Variants in RALYL observed in about 807,000 individuals in gnomAD.
The protein encoded by RALYL is RALY RNA binding protein like, also known as RNA-binding Raly-like protein.
In RALYL, 29 loss-of-function variants were observed where a neutral mutation model predicts 35.1. The ratio of observed to expected loss-of-function variants is 0.83; its 90% confidence interval spans 0.61 to 1.13. The LOEUF (loss-of-function observed/expected upper bound fraction) is 1.13. RALYL is among the 50% of genes most tolerant of loss of function. RALYL has a pLI of 0.00. For missense variants in RALYL, 359 were observed against 360.4 expected, an observed-to-expected ratio of 1.00 and a Z score of 0.03; for synonymous variants, 120 against 127.6, an observed-to-expected ratio of 0.94 and a Z score of 0.40.
chr8:84,507,794 A>G (rs2134347828), intron 1 of RALYL, among the ~76,000 whole-genome samples: 1 of 152,292 alleles, frequency 6.6e-6, no homozygotes, highest in South Asian at 2.1e-4. Flanking sequence ...ATTTGAGTTT[A>G]CATTTCATAC....
chr8:84,751,518 A>G (rs1563518170), intron 2 of RALYL, among the ~76,000 whole-genome samples: 1 of 151,814 alleles, frequency 6.6e-6, no homozygotes, highest in African/African-American at 2.4e-5. Context: ...TGGTTTATGC[A>G]TTTTTTTGTC....
At chr8:84,374,309 C>G (rs1351199972) in intron 1 of RALYL, among the ~76,000 whole-genome samples, 1 of 151,912 alleles carries the variant, frequency 6.6e-6, no homozygotes, top group African/African-American at 2.4e-5. Flanking sequence ...ATGCTTCCAG[C>G]TTTTCCCCAT....
intron 1 of RALYL, among the ~76,000 whole-genome samples, chr8:84,387,650 C>A (rs1779644293): frequency 2.0e-5 from 3 of 151,680 alleles, no homozygotes; most frequent in African/African-American, 4.8e-5. Flanking sequence ...ACCACTCTCT[C>A]CCCTACACCA....
chr8:84,660,467 T>C (rs1436390422), intron 2 of RALYL, among the ~76,000 whole-genome samples: 1 of 152,018 alleles, frequency 6.6e-6, no homozygotes, highest in Non-Finnish European at 1.5e-5. Flanking sequence ...TTAAATTTAA[T>C]AATTCATTTA....
intron 1 of RALYL, among the ~76,000 whole-genome samples, chr8:84,512,320 T>C (rs2057690966): frequency 6.6e-6 from 1 of 151,974 alleles, no homozygotes; most frequent in African/African-American, 2.4e-5. Context: ...TGAATGTTTT[T>C]CATATACCTA....
At chr8:84,206,966 T>C (rs1297906131) in intron 1 of RALYL, among the ~76,000 whole-genome samples, 2 of 152,080 alleles carry the variant, frequency 1.3e-5, no homozygotes, top group Admixed American at 1.3e-4. Flanking sequence ...AAAACCACAA[T>C]GAGATATCAC....
rs1310371014 is a variant in RALYL at position 84,256,106 on chromosome 8, A to AT, written c.-24+71684dup. On this transcript the variant is annotated intron_variant, in intron 1 of 8. Coordinates refer to ENST00000521268, the MANE Select transcript of RALYL (RefSeq NM_173848.7). ...TGTCTGATTGCTGGTGAAGGGTATA[A>AT]TTATCTCTGAGGTTGGGAAGGGTTA... Among the ~76,000 whole-genome samples, 8 of 152,206 alleles carry AT rather than the reference A, an allele frequency of 5.3e-5. No homozygotes were observed. In the South Asian group the frequency reaches 1.7e-3, roughly 32 times the overall value.
At chr8:84,346,964 C>T (rs1351389132) in intron 1 of RALYL, among the ~76,000 whole-genome samples, 2 of 152,044 alleles carry the variant, frequency 1.3e-5, no homozygotes, top group African/African-American at 4.8e-5. Context: ...CTTTGGAAGG[C>T]TGAGGCAGGT....
At chr8:84,649,421 G>A (rs112216001) in intron 2 of RALYL, among the ~76,000 whole-genome samples, 11,466 of 151,206 alleles carry the variant, frequency 0.076, 1,078 homozygotes, top group African/African-American at 0.22. Flanking sequence ...TAGGTCTAAC[G>A]TTTAAGTCTT....
At chr8:84,272,713 C>G (rs1376349010) in intron 1 of RALYL, among the ~76,000 whole-genome samples, 1 of 152,090 alleles carries the variant, frequency 6.6e-6, no homozygotes, top group Non-Finnish European at 1.5e-5. Flanking sequence ...ATAGCAATGG[C>G]AAAGTCAAGA....
At chr8:84,410,759 T>C (rs2044017806) in intron 1 of RALYL, among the ~76,000 whole-genome samples, 1 of 151,748 alleles carries the variant, frequency 6.6e-6, no homozygotes, top group Admixed American at 6.6e-5. Context: ...AAGTTGCATG[T>C]ATATTATCAC....
intron 2 of RALYL, among the ~76,000 whole-genome samples, chr8:84,686,535 T>C (rs956256432): frequency 2.4e-4 from 36 of 151,958 alleles, no homozygotes; most frequent in Non-Finnish European, 4.4e-5. Context: ...CTCCTGAGTG[T>C]TTGGGATTAC....
intron 2 of RALYL, among the ~76,000 whole-genome samples, chr8:84,707,091 G>T (rs961582329): frequency 3.5e-4 from 53 of 152,104 alleles, no homozygotes; most frequent in African/African-American, 1.2e-3. Flanking sequence ...TTTTTAGTGC[G>T]ATAATTTATT....
At chr8:84,564,235 G>C (rs936285628) in intron 2 of RALYL, among the ~76,000 whole-genome samples, 1 of 151,522 alleles carries the variant, frequency 6.6e-6, no homozygotes, top group South Asian at 2.1e-4. Context: ...GTGCTCTTAT[G>C]TACACTATGA....
chr8:84,681,837 T>C (rs11987207), intron 2 of RALYL, among the ~76,000 whole-genome samples: 44,425 of 151,914 alleles, frequency 0.29, 7,219 homozygotes, highest in African/African-American at 0.43. Flanking sequence ...TTATTTCCTT[T>C]TTCCGCCTGA....
chr8:84,342,970 A>G (rs1849139801), intron 1 of RALYL, among the ~76,000 whole-genome samples: 1 of 152,130 alleles, frequency 6.6e-6, no homozygotes, highest in African/African-American at 2.4e-5. Context: ...GAAATTCTGC[A>G]AAGTAATATG....
Position 84,495,041 on chromosome 8 carries a change from A to G in RALYL, c.-23-34258A>G, listed in dbSNP as rs539037352. On this transcript the variant is annotated intron_variant, in intron 1 of 8. Coordinates refer to ENST00000521268, the MANE Select transcript of RALYL (RefSeq NM_173848.7). The stretch of plus-strand genomic sequence containing the variant: ...ATGATATTGGCTTGGATTTGTCACA[A>G]ATTGATTTTATAATTTTGAGATATG... Among the ~76,000 whole-genome samples, 8 of 152,162 alleles carry G rather than the reference A, an allele frequency of 5.3e-5. No homozygotes were observed. In the South Asian group the frequency reaches 1.7e-3, roughly 32 times the overall value.
At chr8:84,622,956 T>C (rs1228693538) in intron 2 of RALYL, among the ~76,000 whole-genome samples, 1 of 152,180 alleles carries the variant, frequency 6.6e-6, no homozygotes, top group Non-Finnish European at 1.5e-5. Context: ...CTTTTTGAGA[T>C]AGTCATGTAA....
chr8:84,421,023 A>G (rs1162423471), intron 1 of RALYL, among the ~76,000 whole-genome samples: 1 of 122,946 alleles, frequency 8.1e-6, no homozygotes, highest in East Asian at 2.3e-4. Flanking sequence ...TTGACTTGGC[A>G]ATGCGGGCTC....
Sources: allele counts gnomAD v4.1 joint callset (sites outside exome capture counted in the v4.1 genomes callset), GRCh38; gene constraint gnomAD v4.1.1; transcripts MANE v1.5; gene names NCBI Gene and HGNC (gene_info 2026-07-23, HGNC 2026-07-21).